Variants in GABRG3 observed in about 807,000 individuals in gnomAD.
GABRG3 encodes the protein gamma-aminobutyric acid type A receptor subunit gamma3.
In GABRG3, 25 loss-of-function variants were observed where a neutral mutation model predicts 48.8. That is an observed-to-expected ratio of 0.51 (90% confidence interval 0.37 to 0.72). GABRG3 has a LOEUF of 0.72. GABRG3 is among the 30% of genes least tolerant of loss of function. GABRG3 has a pLI of 0.00. For missense variants in GABRG3, 394 were observed against 577.9 expected (o/e 0.68, Z 3.26); for synonymous variants, 227 against 217.6 (o/e 1.04, Z -0.38).
intron 3 of GABRG3, among the ~76,000 whole-genome samples, chr15:27,286,590 A>G (rs1891620312): frequency 7.8e-6 from 1 of 127,572 alleles, no homozygotes; most frequent in African/African-American, 5.4e-5. Flanking sequence ...AATCAAATAT[A>G]AACAAACTTA....
chr15:27,201,696 C>A (rs944720954), intron 3 of GABRG3, among the ~76,000 whole-genome samples: 1 of 152,096 alleles, frequency 6.6e-6, no homozygotes, highest in Non-Finnish European at 1.5e-5. Context: ...GGATATGGGT[C>A]TCTGGTCTTT....
At chr15:27,430,655 A>C (rs1417772099) in intron 5 of GABRG3, among the ~76,000 whole-genome samples, 1 of 152,100 alleles carries the variant, frequency 6.6e-6, no homozygotes, top group Admixed American at 6.6e-5. Flanking sequence ...TTAAATGACT[A>C]CTGTTTTGCC....
At chr15:27,040,149 C>T (rs529312549) in intron 3 of GABRG3, among the ~76,000 whole-genome samples, 61 of 152,358 alleles carry the variant, frequency 4.0e-4, no homozygotes, top group African/African-American at 1.4e-3. Context: ...GTGTCCCAGG[C>T]AGGTGGGGGT....
intron 2 of GABRG3, among the ~76,000 whole-genome samples, chr15:27,001,281 G>A (rs369977249): frequency 6.6e-6 from 1 of 152,330 alleles, no homozygotes; most frequent in East Asian, 1.9e-4. Context: ...GAGCAGAAGT[G>A]TTCTTCCTTC....
intron 5 of GABRG3, among the ~76,000 whole-genome samples, chr15:27,420,396 G>C (rs2140609927): frequency 6.6e-6 from 1 of 152,338 alleles, no homozygotes; most frequent in Admixed American, 6.5e-5. Context: ...CTTGGGGTAT[G>C]AAAGAAATGG....
intron 3 of GABRG3, among the ~76,000 whole-genome samples, chr15:27,136,684 C>T (rs1898014114): frequency 6.6e-6 from 1 of 152,036 alleles, no homozygotes; most frequent in Non-Finnish European, 1.5e-5. Flanking sequence ...ATAGCATTTC[C>T]CAATTATGTT....
chr15:27,146,612 A>G (rs208164), intron 3 of GABRG3, among the ~76,000 whole-genome samples: 1,768 of 152,294 alleles, frequency 0.012, 30 homozygotes, highest in African/African-American at 0.04. Context: ...GATGGACATC[A>G]TAATATAAAA....
chr15:27,451,077 C>T (rs529066675), intron 5 of GABRG3, among the ~76,000 whole-genome samples: 1 of 152,194 alleles, frequency 6.6e-6, no homozygotes, highest in East Asian at 1.9e-4. Context: ...GGATTGGAAG[C>T]ATTAATATTG....
chr15:27,269,700 G>A (rs1423279493), intron 3 of GABRG3, among the ~76,000 whole-genome samples: 1 of 152,166 alleles, frequency 6.6e-6, no homozygotes, highest in African/African-American at 2.4e-5. Flanking sequence ...ATTAATAGGT[G>A]ACATGAGTAC....
intron 5 of GABRG3, among the ~76,000 whole-genome samples, chr15:27,410,108 A>G (rs970400295): frequency 2.6e-5 from 4 of 152,160 alleles, no homozygotes; most frequent in African/African-American, 9.7e-5. Context: ...TAATTTTCTA[A>G]GAGTTTCAGT....
At chr15:27,370,997 T>A (rs1427564027) in intron 5 of GABRG3, among the ~76,000 whole-genome samples, 1 of 152,218 alleles carries the variant, frequency 6.6e-6, no homozygotes, top group Non-Finnish European at 1.5e-5. Context: ...AAAACAGACA[T>A]GCAAACGTGG....
chr15:27,248,638 G>A (rs1034706947), intron 3 of GABRG3, among the ~76,000 whole-genome samples: 4 of 152,082 alleles, frequency 2.6e-5, no homozygotes, highest in African/African-American at 9.7e-5. Flanking sequence ...TGCCCACAGA[G>A]GTCTAGCATG....
intron 5 of GABRG3, among the ~76,000 whole-genome samples, chr15:27,377,029 C>G (rs1330274913): frequency 6.6e-6 from 1 of 152,148 alleles, no homozygotes; most frequent in Non-Finnish European, 1.5e-5. Context: ...AGAAATTTCT[C>G]CACCAGATAC....
At position 27,534,223 on chromosome 15, in the gene GABRG3, A is replaced by G. The variant is rs1381762712; in HGVS notation, c.*1342A>G. Reference sequence around the variant, plus strand: ...CAACTCAAACCAACTTTAGATGCAAAAAAATGGGCAATGGTGATCATCAAG... The same window carrying G: ...CAACTCAAACCAACTTTAGATGCAAGAAAATGGGCAATGGTGATCATCAAG... On this transcript the variant is annotated 3_prime_UTR_variant, in exon 10 of 10. Transcript: ENST00000615808. 1 of 152,180 alleles carries G rather than the reference A, an allele frequency of 6.6e-6. No homozygotes were observed. The highest frequency in any genetic ancestry group is 1.5e-5 in the Non-Finnish European group (1 of 68,044). 9.4% of individuals were successfully genotyped at this position (152,180 alleles called of 1,614,324 possible). A position where few individuals can be genotyped will look rare whatever the true frequency, so the allele number is the denominator to read the frequency against.
intron 2 of GABRG3, among the ~76,000 whole-genome samples, chr15:26,995,127 C>T (rs1242823386): frequency 1.3e-5 from 2 of 152,002 alleles, no homozygotes; most frequent in Non-Finnish European, 2.9e-5. Flanking sequence ...TTATTTTAGG[C>T]TGAGTTGTTA....
At chr15:27,056,344 C>A (rs2082679003) in intron 3 of GABRG3, among the ~76,000 whole-genome samples, 2 of 140,128 alleles carry the variant, frequency 1.4e-5, no homozygotes, top group Admixed American at 7.4e-5. Flanking sequence ...CAGAGTGAGA[C>A]CCTGTCTCCA....
rs556168366 is a variant in GABRG3 at position 27,508,962 on chromosome 15, G to A, written c.713-11010G>A. On this transcript the variant is annotated intron_variant, in intron 6 of 9. Coordinates refer to ENST00000615808, the MANE Select transcript of GABRG3 (RefSeq NM_033223.5). ...TTTCAATCTCCTGACCTCCTGATCC[G>A]CCCGCCTTGGCCTCCTAAAGTGCTG... 1.5e-3 allele frequency among the ~76,000 whole-genome samples: 228 copies of A among 152,018 alleles called. 1 individual carries two copies. The highest frequency in any genetic ancestry group is 4.9e-3 in the African/African-American group (203 of 41,468).
At chr15:27,455,610 TA>T (rs1366764208) in intron 5 of GABRG3, among the ~76,000 whole-genome samples, 38 of 151,524 alleles carry the variant, frequency 2.5e-4, no homozygotes, top group African/African-American at 8.0e-4. Context: ...TGCATTTGTA[TA>T]TATGTGCATG....
intron 5 of GABRG3, among the ~76,000 whole-genome samples, chr15:27,367,965 G>A (rs902697100): frequency 1.3e-5 from 2 of 152,062 alleles, no homozygotes; most frequent in Non-Finnish European, 2.9e-5. Context: ...TCTCTGCTCT[G>A]TCTCCTTTCT....
Sources: gnomAD v4.1 joint callset for allele counts (sites outside exome capture counted in the v4.1 genomes callset) on GRCh38, gnomAD v4.1.1 for gene constraint, MANE v1.5 for transcripts, NCBI Gene and HGNC (gene_info 2026-07-23, HGNC 2026-07-21) for gene names.